The following STOX2 variants were observed in gnomAD, a reference collection of about 807,000 sequenced individuals.
STOX2 encodes storkhead box 2.
STOX2 carries 28 observed loss-of-function variants against 60.9 expected under a neutral mutation model. That is an observed-to-expected ratio of 0.46 (90% CI 0.34 to 0.63). STOX2 has a LOEUF of 0.63. Ranked by LOEUF, STOX2 falls within the 30% of genes least tolerant of loss-of-function variation. The pLI, the probability that STOX2 is intolerant of heterozygous loss-of-function variation, is 0.01. For synonymous variants in STOX2, 472 were observed against 463.9 expected (o/e 1.02, Z -0.22); for missense variants, 1,024 against 1,187.7 (o/e 0.86, Z 2.03).
intron 1 of STOX2, among the ~76,000 whole-genome samples, chr4:183,931,569 T>G (rs1273123838): frequency 6.6e-6 from 1 of 152,200 alleles, no homozygotes; most frequent in Non-Finnish European, 1.5e-5. Context: ...ACAAGTCTCC[T>G]GTTTACTTAG....
At chr4:183,937,960 C>A (rs900211951) in intron 1 of STOX2, among the ~76,000 whole-genome samples, 1 of 152,120 alleles carries the variant, frequency 6.6e-6, no homozygotes, top group Admixed American at 6.5e-5. Context: ...CCAGCCTGGG[C>A]AACATGGCAA....
rs1734585798 is a variant in STOX2, at chr4:184,021,387, G to A, written c.*4103G>A. The A allele has an allele frequency of 6.6e-6, 1 of 151,870 alleles. No individual in the cohort carries two copies. Among genetic ancestry groups the A allele is most frequent in the Non-Finnish European group, 1.5e-5 (1 of 68,022 alleles). The allele number at this position is 151,870 out of a possible 1,614,324, so 9.4% of individuals were successfully genotyped here. ...CAAAATACAATGCTATTTTTCTGAT[G>A]TGTGCTAATAAAGTCAAAGAAAACA... On this transcript the variant is annotated 3_prime_UTR_variant, in exon 4 of 4. Transcript: ENST00000308497.
chr4:183,801,929 A>G (rs1738772201), intron 1 of STOX2, among the ~76,000 whole-genome samples: 1 of 152,246 alleles, frequency 6.6e-6, no homozygotes, highest in African/African-American at 2.4e-5. Context: ...AGCTAGGCCT[A>G]TTGAAACAGA....
At chr4:183,892,149 G>A (rs1741230816) in intron 1 of STOX2, among the ~76,000 whole-genome samples, 1 of 152,224 alleles carries the variant, frequency 6.6e-6, no homozygotes, top group African/African-American at 2.4e-5. Context: ...CTGAAAAGGT[G>A]GTCAAGAGAA....
At position 184,017,171 on chromosome 4, in the gene STOX2, G is replaced by A. The variant is rs757374822; in HGVS notation, c.2668G>A (p.Gly890Ser). The change falls in exon 4 of 4, where the codon GGT becomes AGT. Residue 890 changes from glycine (G) to serine (S), a missense_variant. Physicochemically the swap from Gly to Ser is moderately conservative, Grantham distance 56. Around this residue, in one of 3 missense-constraint regions of STOX2, gnomAD observed 922 missense variants for 1,058.3 expected, o/e 0.87. Coordinates refer to ENST00000308497, the MANE Select transcript of STOX2 (RefSeq NM_020225.3). Reference sequence around the variant, plus strand: ...GAACCCCGCTTTGAGCCCGGCCCATGGTGGAGCTGGTCCAGCCTTCAACTT... The same window carrying A: ...GAACCCCGCTTTGAGCCCGGCCCATAGTGGAGCTGGTCCAGCCTTCAACTT... ...RQNPALSPAHGGAGPAFNFRA... is the reference protein window; with the variant it reads ...RQNPALSPAHSGAGPAFNFRA... The A allele has an allele frequency of 3.0e-5, 49 of 1,613,324 alleles. No individual in the cohort carries two copies. In the Middle Eastern group the frequency reaches 4.9e-4, roughly 16 times the overall value.
At chr4:183,829,181 A>C (rs749661473) in intron 1 of STOX2, among the ~76,000 whole-genome samples, 25 of 152,216 alleles carry the variant, frequency 1.6e-4, no homozygotes, top group Non-Finnish European at 2.8e-4. Context: ...TTAAAAATCT[A>C]TCATCTTTTT....
intron 1 of STOX2, among the ~76,000 whole-genome samples, chr4:183,922,115 A>C (rs914329758): frequency 4.6e-5 from 7 of 152,160 alleles, no homozygotes; most frequent in African/African-American, 1.7e-4. Context: ...TCTTTAGAGC[A>C]AAGGGTTTTA....
chr4:183,960,472 G>A (rs1249609236), intron 1 of STOX2, among the ~76,000 whole-genome samples: 1 of 152,202 alleles, frequency 6.6e-6, no homozygotes, highest in Non-Finnish European at 1.5e-5. Flanking sequence ...ACGTGTGTAT[G>A]CTGCATAGAG....
chr4:183,893,201 A>G (rs1300393483), intron 1 of STOX2, among the ~76,000 whole-genome samples: 1 of 149,874 alleles, frequency 6.7e-6, no homozygotes, highest in Non-Finnish European at 1.5e-5. Flanking sequence ...GCCTTATCCC[A>G]TTTCTAGGAT....
chr4:183,852,253 G>T (rs1579335187), intron 1 of STOX2, among the ~76,000 whole-genome samples: 1 of 137,130 alleles, frequency 7.3e-6, no homozygotes, highest in Admixed American at 7.1e-5. Context: ...ATGAGGGAAA[G>T]GATGAGGGAA....
At chr4:183,909,882 A>G (rs560656457) in intron 1 of STOX2, among the ~76,000 whole-genome samples, 1 of 152,388 alleles carries the variant, frequency 6.6e-6, no homozygotes, top group South Asian at 2.1e-4. Flanking sequence ...CCTTCAGGAT[A>G]AACTACACTT....
At chr4:184,015,458 T>G (rs1734327113) in intron 3 of STOX2, 1 of 152,220 alleles carries the variant, frequency 6.6e-6, no homozygotes, top group African/African-American at 2.4e-5. Flanking sequence ...ATAAATGGAT[T>G]ACCTTTCTGG....
At chr4:183,892,751 C>G (rs1371655255) in intron 1 of STOX2, among the ~76,000 whole-genome samples, 2 of 151,922 alleles carry the variant, frequency 1.3e-5, no homozygotes, top group Non-Finnish European at 2.9e-5. Flanking sequence ...TATACTTAAC[C>G]TCTCCTCCGA....
chr4:183,993,844 C>T lies in STOX2; in HGVS notation c.167-7481C>T, dbSNP rs927271539. 5.3e-5 allele frequency among the ~76,000 whole-genome samples: 8 copies of T among 152,278 alleles called. No homozygotes were observed. In the East Asian group the frequency reaches 5.8e-4, roughly 11 times the overall value. On this transcript the variant is annotated intron_variant, in intron 1 of 3. Transcript: ENST00000308497. ...GGTTTCAAAGGAAAGCTGCTTAAAACGCAGGAGCATGTGAGGTAATGGGAG... is the reference window on the plus strand; with the variant it reads ...GGTTTCAAAGGAAAGCTGCTTAAAATGCAGGAGCATGTGAGGTAATGGGAG...
chr4:183,854,715 A>G (rs1001391902), intron 1 of STOX2, among the ~76,000 whole-genome samples: 1 of 152,218 alleles, frequency 6.6e-6, no homozygotes, highest in African/African-American at 2.4e-5. Context: ...AATGATTTTG[A>G]TATAGAGCAC....
At position 184,021,620 on chromosome 4, in the gene STOX2, C is replaced by T. The variant is rs781576326; in HGVS notation, c.*4336C>T. The T allele has an allele frequency of 6.6e-6, 1 of 152,202 alleles. No individual in the cohort carries two copies. Among genetic ancestry groups the T allele is most frequent in the South Asian group, 2.1e-4 (1 of 4,828 alleles). The allele number at this position is 152,202 out of a possible 1,614,324, so 9.4% of individuals were successfully genotyped here. ...GGTTGCTATAGTTCCCGTGCTAAATCACCAGCTTTCAGGAACATGACTGCT... is the reference window on the plus strand; with the variant it reads ...GGTTGCTATAGTTCCCGTGCTAAATTACCAGCTTTCAGGAACATGACTGCT... On this transcript the variant is annotated 3_prime_UTR_variant, in exon 4 of 4. Coordinates refer to ENST00000308497, the MANE Select transcript of STOX2 (RefSeq NM_020225.3).
chr4:183,827,217 C>T (rs1015355635), intron 1 of STOX2, among the ~76,000 whole-genome samples: 4 of 152,082 alleles, frequency 2.6e-5, no homozygotes, highest in Non-Finnish European at 5.9e-5. Flanking sequence ...AATGGAATAG[C>T]ATGGGTGCGG....
At chr4:183,859,946 T>C (rs1006003140) in intron 1 of STOX2, among the ~76,000 whole-genome samples, 57 of 152,294 alleles carry the variant, frequency 3.7e-4, no homozygotes, top group African/African-American at 1.3e-3. Context: ...AGATATTTAC[T>C]GACAGAATTT....
At chr4:183,875,475 A>AG (rs1456760211) in intron 1 of STOX2, among the ~76,000 whole-genome samples, 1 of 152,148 alleles carries the variant, frequency 6.6e-6, no homozygotes, top group Non-Finnish European at 1.5e-5. Flanking sequence ...CATTTTATGG[A>AG]GGAGCCTGTG....
Sources: allele counts gnomAD v4.1 joint callset (sites outside exome capture counted in the v4.1 genomes callset), GRCh38; gene constraint gnomAD v4.1.1; regional missense constraint gnomAD v4.1.1; transcripts MANE v1.5; gene names NCBI Gene and HGNC (gene_info 2026-07-23, HGNC 2026-07-21).